PTPRG: variants seen among roughly 807,000 people sequenced by gnomAD.
PTPRG encodes the protein receptor-type tyrosine-protein phosphatase gamma.
In PTPRG, 102 loss-of-function variants were observed where a neutral mutation model predicts 165.3. That is an observed-to-expected ratio of 0.62 (90% CI 0.53 to 0.73). The LOEUF (loss-of-function observed/expected upper bound fraction) is 0.73, where lower values mean the gene tolerates loss of function less well. Among genes scored for constraint, PTPRG ranks in the 30% least tolerant of loss-of-function variants. The probability of loss-of-function intolerance (pLI) is 0.00; values close to 1 mark genes in which losing one functional copy is unlikely to be tolerated. For missense variants in PTPRG, 1,866 were observed against 1,861.4 expected (o/e 1.00, Z -0.05); for synonymous variants, 675 against 669.5 (o/e 1.01, Z -0.13).
intron 8 of PTPRG, among the ~76,000 whole-genome samples, chr3:62,184,629 A>G (rs1705796639): frequency 6.6e-6 from 1 of 151,992 alleles, no homozygotes; most frequent in African/African-American, 2.4e-5. Flanking sequence ...CTTTCTCCCC[A>G]CCAGGGCCAG....
chr3:61,768,054 T>C (rs913327355), intron 2 of PTPRG, among the ~76,000 whole-genome samples: 4 of 151,818 alleles, frequency 2.6e-5, no homozygotes, highest in African/African-American at 7.3e-5. Context: ...ATTGGGAGGA[T>C]AGGAAATATA....
intron 4 of PTPRG, among the ~76,000 whole-genome samples, chr3:62,065,969 GT>G (rs1489135229): frequency 2.0e-5 from 3 of 152,184 alleles, no homozygotes; most frequent in Non-Finnish European, 4.4e-5. Flanking sequence ...TCTCAGAAAT[GT>G]TTTGCAGCAA....
intron 4 of PTPRG, among the ~76,000 whole-genome samples, chr3:62,021,971 C>CT (rs1285280576): frequency 1.3e-5 from 2 of 149,092 alleles, no homozygotes; most frequent in Non-Finnish European, 3.0e-5. Flanking sequence ...GAGGAACAGA[C>CT]TTTTTTTCTG....
intron 2 of PTPRG, among the ~76,000 whole-genome samples, chr3:61,889,279 T>G (rs1271700862): frequency 6.6e-6 from 1 of 152,210 alleles, no homozygotes; most frequent in Admixed American, 6.5e-5. Flanking sequence ...TTTCCTCCTC[T>G]AGTTATTTAT....
In PTPRG at chr3:61,964,712, C is replaced by T. The variant is rs1430675082; in HGVS notation, c.191-24913C>T. 3.9e-5 allele frequency among the ~76,000 whole-genome samples: 6 copies of T among 152,150 alleles called. No homozygotes were observed. In the East Asian group the frequency reaches 1.2e-3, roughly 29 times the overall value. ...CTTTATTATAGTTCCTTTGTCCGTCCTTGTGTCGTGGTTTTACACGCGTGG... is the reference window on the plus strand; with the variant it reads ...CTTTATTATAGTTCCTTTGTCCGTCTTTGTGTCGTGGTTTTACACGCGTGG... On this transcript the variant is annotated intron_variant, in intron 2 of 29. Coordinates refer to ENST00000474889, the MANE Select transcript of PTPRG (RefSeq NM_002841.4).
At chr3:62,093,006 A>T (rs35831310) in intron 5 of PTPRG, among the ~76,000 whole-genome samples, 1 of 152,130 alleles carries the variant, frequency 6.6e-6, no homozygotes, top group Non-Finnish European at 1.5e-5. Flanking sequence ...ACTTTCCTCA[A>T]TCATGGCTCC....
At chr3:62,015,884 A>G (rs979263483) in intron 4 of PTPRG, among the ~76,000 whole-genome samples, 1 of 152,180 alleles carries the variant, frequency 6.6e-6, no homozygotes, top group Non-Finnish European at 1.5e-5. Flanking sequence ...TTCTTGGTTT[A>G]AAAAAAGAAC....
chr3:61,797,581 ACCCCCCC>A (rs10541580), intron 2 of PTPRG, among the ~76,000 whole-genome samples: 20,837 of 127,684 alleles, frequency 0.16, 2,357 homozygotes, highest in East Asian at 0.38. Flanking sequence ...TTATCTCCAC[ACCCCCCC>A]CCACCCCCCC....
At chr3:61,637,885 GC>G (rs1207424966) in intron 1 of PTPRG, among the ~76,000 whole-genome samples, 1 of 151,918 alleles carries the variant, frequency 6.6e-6, no homozygotes, top group Non-Finnish European at 1.5e-5. Flanking sequence ...GATGAGCATA[GC>G]CATCTTACCA....
At chr3:62,155,953 T>C (rs1487881513) in intron 6 of PTPRG, among the ~76,000 whole-genome samples, 1 of 152,132 alleles carries the variant, frequency 6.6e-6, no homozygotes, top group Non-Finnish European at 1.5e-5. Context: ...CCAGTAGTCT[T>C]ATTGCATCTC....
intron 2 of PTPRG, among the ~76,000 whole-genome samples, chr3:61,772,058 TAAAAAAAAAA>T (rs71100977): frequency 3.1e-5 from 2 of 64,782 alleles, no homozygotes; most frequent in Non-Finnish European, 5.6e-5. Flanking sequence ...AGACTCTGTC[TAAAAAAAAAA>T]AAAAAAAAAA....
At chr3:61,892,177 T>A (rs1275805529) in intron 2 of PTPRG, among the ~76,000 whole-genome samples, 1 of 152,172 alleles carries the variant, frequency 6.6e-6, no homozygotes, top group Non-Finnish European at 1.5e-5. Context: ...CTCCAATCCA[T>A]TCAACTAGTT....
At chr3:61,750,522 C>T (rs138244738) in intron 2 of PTPRG, 1 of 152,130 alleles carries the variant, frequency 6.6e-6, no homozygotes, top group South Asian at 2.1e-4. Context: ...TTTTGTATTT[C>T]TGGAATGCAT....
intron 6 of PTPRG, among the ~76,000 whole-genome samples, chr3:62,155,963 C>T (rs1289947815): frequency 6.6e-6 from 1 of 152,108 alleles, no homozygotes; most frequent in African/African-American, 2.4e-5. Context: ...TATTGCATCT[C>T]CAACAGGGAA....
At chr3:62,001,723 G>A (rs947969984) in intron 3 of PTPRG, among the ~76,000 whole-genome samples, 1 of 151,994 alleles carries the variant, frequency 6.6e-6, no homozygotes, top group African/African-American at 2.4e-5. Context: ...AGGAAAAGTC[G>A]GTAATATTTC....
chr3:61,701,042 A>C (rs774483968), intron 1 of PTPRG, among the ~76,000 whole-genome samples: 1 of 152,252 alleles, frequency 6.6e-6, no homozygotes, highest in African/African-American at 2.4e-5. Context: ...CTGGAAACCT[A>C]TGCAGTGGGA....
chr3:61,971,746 C>T (rs2040389738), intron 2 of PTPRG, among the ~76,000 whole-genome samples: 1 of 152,194 alleles, frequency 6.6e-6, no homozygotes, highest in Non-Finnish European at 1.5e-5. Context: ...GGTCGTACAA[C>T]TCTGTAAATT....
At chr3:61,747,121 TC>T (rs2033238213) in intron 1 of PTPRG, among the ~76,000 whole-genome samples, 1 of 56,202 alleles carries the variant, frequency 1.8e-5, no homozygotes, top group African/African-American at 6.9e-5. Flanking sequence ...AGACCCTGTT[TC>T]AAAAAAAAAA....
intron 2 of PTPRG, among the ~76,000 whole-genome samples, chr3:61,863,414 A>C (rs1229721988): frequency 6.6e-6 from 1 of 151,858 alleles, no homozygotes; most frequent in Non-Finnish European, 1.5e-5. Flanking sequence ...TTAGATAGGG[A>C]AAAAAAACTA....
Sources: allele counts gnomAD v4.1 joint callset (sites outside exome capture counted in the v4.1 genomes callset), GRCh38; gene constraint gnomAD v4.1.1; transcripts MANE v1.5; gene names NCBI Gene and HGNC (gene_info 2026-07-23, HGNC 2026-07-21).